Variants in ZNF430 observed in about 807,000 individuals in gnomAD.
ZNF430 encodes the protein zinc finger protein 430.
Under a neutral mutation model 56.7 loss-of-function variants are expected in ZNF430, and 35 were observed. That is an observed-to-expected ratio of 0.62 (90% confidence interval 0.47 to 0.82). The LOEUF (loss-of-function observed/expected upper bound fraction) is 0.82. Ranked by LOEUF, ZNF430 falls within the 40% of genes least tolerant of loss-of-function variation. The pLI is 0.00. For missense variants in ZNF430, 574 were observed against 661.0 expected (o/e 0.87, Z 1.44); for synonymous variants, 212 against 224.3 (o/e 0.94, Z 0.49).
intron 2 of ZNF430, among the ~76,000 whole-genome samples, chr19:21,032,855 A>G (rs896487479): frequency 1.3e-5 from 2 of 152,178 alleles, no homozygotes; most frequent in African/African-American, 4.8e-5. Context: ...GTACCTTCGA[A>G]CTCAACATGT....
At chr19:21,048,164 CTTTTTTTTTTTTT>C (rs536496163) in intron 4 of ZNF430, among the ~76,000 whole-genome samples, 3 of 59,780 alleles carry the variant, frequency 5.0e-5, no homozygotes, top group Non-Finnish European at 5.7e-5. Context: ...CATAAAACAT[CTTTTTTTTTTTTT>C]TTTTTTTTTT....
At chr19:21,047,839 T>A (rs1416956468) in intron 4 of ZNF430, among the ~76,000 whole-genome samples, 2 of 152,100 alleles carry the variant, frequency 1.3e-5, no homozygotes, top group Admixed American at 6.6e-5. Context: ...GGGAACCACT[T>A]AAGAAAGCAC....
chr19:21,053,351 A>T (rs1021389173), intron 4 of ZNF430: 3 of 151,906 alleles, frequency 2.0e-5, no homozygotes, highest in Non-Finnish European at 2.9e-5. Context: ...TTGAGAATGG[A>T]CCATCACATA....
chr19:21,045,840 C>T (rs1291338520), intron 4 of ZNF430, among the ~76,000 whole-genome samples: 1 of 152,168 alleles, frequency 6.6e-6, no homozygotes, highest in Non-Finnish European at 1.5e-5. Flanking sequence ...TTGTCAGAAA[C>T]TACAATTGCA....
In ZNF430 at chr19:21,036,561, C is replaced by T. The variant is rs552675609; in HGVS notation, c.322+2377C>T. The T allele has an allele frequency of 9.9e-5, 15 of 152,118 alleles. No homozygotes were observed. The East Asian group carries it at 2.7e-3, about 27-fold the overall frequency. The allele number at this position is 152,118 out of a possible 1,614,324, so 9.4% of individuals were successfully genotyped here. A position where few individuals can be genotyped will look rare whatever the true frequency, so the allele number is the denominator to read the frequency against. On this transcript the variant is annotated intron_variant, in intron 4 of 4. Coordinates refer to ENST00000261560, the MANE Select transcript of ZNF430 (RefSeq NM_025189.4). ...TTTAGGGCCAGACATGGTGGTGGCT[C>T]ACATCTGTAATCCAGGATTATTTGA...
At chr19:21,025,415 C>G (rs1159103943) in intron 2 of ZNF430, among the ~76,000 whole-genome samples, 1 of 152,150 alleles carries the variant, frequency 6.6e-6, no homozygotes, top group African/African-American at 2.4e-5. Context: ...TTTACTGCAA[C>G]CTGTTTTATC....
chr19:21,050,957 G>T (rs992818706), intron 4 of ZNF430, among the ~76,000 whole-genome samples: 2 of 152,150 alleles, frequency 1.3e-5, no homozygotes, highest in Non-Finnish European at 2.9e-5. Context: ...GAACCCGGGA[G>T]GTAGAGGTTG....
rs1164062081 is a variant in ZNF430 at position 21,046,362 on chromosome 19, G to A, written c.323-10269G>A. On this transcript the variant is annotated intron_variant, in intron 4 of 4. Coordinates refer to ENST00000261560, the MANE Select transcript of ZNF430 (RefSeq NM_025189.4). ...GTTTAAGGTTAATATTGCTATGTGT[G>A]AATTTGATTATGTTTTCATGGTGCT... Among the ~76,000 whole-genome samples, 3 of 151,564 alleles carry A rather than the reference G, an allele frequency of 2.0e-5. No homozygotes were observed. The East Asian group carries it at 5.8e-4, about 29-fold the overall frequency.
chr19:21,029,740 A>G (rs1967866845), intron 2 of ZNF430, among the ~76,000 whole-genome samples: 1 of 152,142 alleles, frequency 6.6e-6, no homozygotes, highest in South Asian at 2.1e-4. Context: ...GCCGAGGCAG[A>G]CAGATCATGA....
chr19:21,042,605 G>A (rs113983573), intron 4 of ZNF430, among the ~76,000 whole-genome samples: 10,789 of 152,012 alleles, frequency 0.071, 463 homozygotes, highest in Non-Finnish European at 0.086. Context: ...TGGCTAACAC[G>A]GTGAAACCCC....
At chr19:21,030,507 A>G (rs1294529390) in intron 2 of ZNF430, among the ~76,000 whole-genome samples, 2 of 152,158 alleles carry the variant, frequency 1.3e-5, no homozygotes, top group Non-Finnish European at 2.9e-5. Flanking sequence ...GTTATTTTCC[A>G]AAGGCAGATT....
chr19:21,021,666 A>G (rs932803991), intron 1 of ZNF430, among the ~76,000 whole-genome samples: 2 of 152,112 alleles, frequency 1.3e-5, no homozygotes, highest in African/African-American at 2.4e-5. Context: ...AAATTCAGTA[A>G]TTGGTTAGGT....
intron 2 of ZNF430, chr19:21,025,999 G>A (rs1967786265): frequency 7.7e-6 from 3 of 388,766 alleles, no homozygotes; most frequent in Admixed American, 3.5e-5. Context: ...AGTAATGTGG[G>A]CCCCAGATCC....
Position 21,034,173 on chromosome 19 carries a change from A to G in ZNF430, c.311A>G (p.Asp104Gly), listed in dbSNP as rs200876890. Residue 104 changes from aspartate (D) to glycine (G), a missense_variant, in exon 4 of 5, where the codon GAT becomes GGT. Transcript: ENST00000261560. ...PWNMKRHAMVDQPPVTYSHFA... is the reference protein window; with the variant it reads ...PWNMKRHAMVGQPPVTYSHFA... Reference sequence around the variant, plus strand: ...AATATGAAGAGACATGCGATGGTAGATCAACCCCCAGGTAGGTGAGAGTGA... The same window carrying G: ...AATATGAAGAGACATGCGATGGTAGGTCAACCCCCAGGTAGGTGAGAGTGA... 58 of 1,601,822 alleles carry G rather than the reference A, an allele frequency of 3.6e-5. No individual in the cohort carries two copies. Among genetic ancestry groups the G allele is most frequent in the Non-Finnish European group, 1.2e-5 (14 of 1,173,082 alleles).
intron 4 of ZNF430, among the ~76,000 whole-genome samples, chr19:21,041,909 T>G (rs188421100): frequency 3.3e-5 from 5 of 152,292 alleles, no homozygotes; most frequent in Admixed American, 6.5e-5. Flanking sequence ...AGATGGGGTT[T>G]CGCCACACTG....
chr19:21,021,823 A>ATTTTTTTTTTTTTTTTTTTTTTTTTTTTT (rs71174785), intron 1 of ZNF430, among the ~76,000 whole-genome samples: 2 of 85,708 alleles, frequency 2.3e-5, no homozygotes, highest in African/African-American at 1.1e-4. Context: ...CCTGAGTTAG[A>ATTTTTTTTTTTTTTTTTTTTTTTTTTTTT]TTTTTTTTTT....
At chr19:21,050,584 T>C (rs1344633105) in intron 4 of ZNF430, among the ~76,000 whole-genome samples, 1 of 152,134 alleles carries the variant, frequency 6.6e-6, no homozygotes, top group African/African-American at 2.4e-5. Context: ...CAATATCTAT[T>C]GTGAATCTAT....
chr19:21,054,130 G>A (rs1390616139), intron 4 of ZNF430, among the ~76,000 whole-genome samples: 1 of 151,956 alleles, frequency 6.6e-6, no homozygotes, highest in East Asian at 1.9e-4. Context: ...TGATTTCTAT[G>A]CTTTTAACTT....
At chr19:21,029,829 G>A (rs776226396) in intron 2 of ZNF430, among the ~76,000 whole-genome samples, 1 of 152,142 alleles carries the variant, frequency 6.6e-6, no homozygotes, top group Non-Finnish European at 1.5e-5. Context: ...GCCGGGCGTG[G>A]TGGCACATGC....
Sources: allele counts gnomAD v4.1 joint callset (sites outside exome capture counted in the v4.1 genomes callset), GRCh38; gene constraint gnomAD v4.1.1; transcripts MANE v1.5; gene names NCBI Gene and HGNC (gene_info 2026-07-23, HGNC 2026-07-21).